The following LINGO2 variants were observed in gnomAD, a reference collection of about 807,000 sequenced individuals.
The protein encoded by LINGO2 is leucine rich repeat and Ig domain containing 2.
Under a neutral mutation model 30.6 loss-of-function variants are expected in LINGO2, and 14 were observed. The ratio of observed to expected loss-of-function variants is 0.46; its 90% CI spans 0.30 to 0.72. The LOEUF (loss-of-function observed/expected upper bound fraction) is 0.72, where lower values mean the gene tolerates loss of function less well. Ranked by LOEUF, LINGO2 falls within the 30% of genes least tolerant of loss-of-function variation. The probability of loss-of-function intolerance (pLI) is 0.07; values close to 1 mark genes in which losing one functional copy is unlikely to be tolerated. For missense variants in LINGO2, 729 were observed against 751.7 expected, an observed-to-expected ratio of 0.97 and a Z score of 0.35; for synonymous variants, 317 against 288.5, an observed-to-expected ratio of 1.10 and a Z score of -1.00.
the LINGO2 span, among the ~76,000 whole-genome samples, chr9:29,012,592 T>C: frequency 1.3e-5 from 2 of 152,146 alleles, no homozygotes; most frequent in African/African-American, 4.8e-5. Flanking sequence ...TGGTAAGTAA[T>C]ATTAAATATT....
chr9:29,120,002 G>A, the LINGO2 span, among the ~76,000 whole-genome samples: 1 of 152,260 alleles, frequency 6.6e-6, no homozygotes, highest in South Asian at 2.1e-4. Context: ...GAATACAAGT[G>A]AATACAAGTT....
intron 2 of LINGO2, among the ~76,000 whole-genome samples, chr9:28,385,729 T>C (rs1821552850): frequency 6.6e-6 from 1 of 152,146 alleles, no homozygotes; most frequent in African/African-American, 2.4e-5. Context: ...TGGAAAAATA[T>C]ATGTGCATGT....
chr9:28,372,188 A>G (rs1477849350), intron 3 of LINGO2, among the ~76,000 whole-genome samples: 1 of 152,192 alleles, frequency 6.6e-6, no homozygotes, highest in African/African-American at 2.4e-5. Flanking sequence ...CAGCTATTAT[A>G]TTTAATTGCT....
At chr9:28,662,105 T>A (rs7850460) in intron 1 of LINGO2, among the ~76,000 whole-genome samples, 25,801 of 152,082 alleles carry the variant, frequency 0.17, 3,363 homozygotes, top group African/African-American at 0.36. Context: ...ATTAATTAGA[T>A]GTTGAACTTC....
intron 4 of LINGO2, among the ~76,000 whole-genome samples, chr9:28,035,197 G>C (rs1299045964): frequency 1.3e-5 from 2 of 152,168 alleles, no homozygotes; most frequent in Non-Finnish European, 2.9e-5. Flanking sequence ...GCTTTTGTCA[G>C]CATACTGCTA....
the LINGO2 span, among the ~76,000 whole-genome samples, chr9:29,172,885 A>G: frequency 6.6e-6 from 1 of 152,022 alleles, no homozygotes; most frequent in Non-Finnish European, 1.5e-5. Context: ...CTTAAGAGTC[A>G]TAGTCTGTCT....
chr9:29,045,812 A>G, the LINGO2 span, among the ~76,000 whole-genome samples: 1 of 151,840 alleles, frequency 6.6e-6, no homozygotes. Context: ...GTTTTCTCCA[A>G]TTTACTTGAG....
rs1383259648 is a variant in LINGO2, at chr9:28,555,257, A to G, written c.-364-79232T>C. Among the ~76,000 whole-genome samples, 4 of 143,066 alleles carry G rather than the reference A, an allele frequency of 2.8e-5. No individual in the cohort carries two copies. The East Asian group carries it at 8.1e-4, about 29-fold the overall frequency. 93.9% of individuals were successfully genotyped at this position (143,066 alleles called of 152,430 possible). A position where few individuals can be genotyped will look rare whatever the true frequency, so the allele number is the denominator to read the frequency against. On this transcript the variant is annotated intron_variant, in intron 1 of 5. Transcript: ENST00000379992. The stretch of plus-strand genomic sequence containing the variant: ...AAATTGATAGACCGCTAGCAAGACT[A>G]ATAGAGAAAAAAAGAGAGAAGAATC...
chr9:28,366,485 T>C (rs985966174), intron 3 of LINGO2, among the ~76,000 whole-genome samples: 1 of 152,216 alleles, frequency 6.6e-6, no homozygotes, highest in Non-Finnish European at 1.5e-5. Flanking sequence ...TGCATCTCTC[T>C]TCCACATAAG....
At chr9:28,958,392 A>C in the LINGO2 span, among the ~76,000 whole-genome samples, 1 of 152,206 alleles carries the variant, frequency 6.6e-6, no homozygotes, top group African/African-American at 2.4e-5. Context: ...GAATTCAGAC[A>C]ATAGAAGCAA....
the LINGO2 span, among the ~76,000 whole-genome samples, chr9:28,727,365 A>G: frequency 6.6e-6 from 1 of 151,946 alleles, no homozygotes; most frequent in Non-Finnish European, 1.5e-5. Context: ...AGCTCACTGC[A>G]AGCTCCGCCT....
intron 4 of LINGO2, among the ~76,000 whole-genome samples, chr9:28,253,816 A>G (rs1459607492): frequency 1.3e-5 from 2 of 152,078 alleles, no homozygotes; most frequent in East Asian, 3.9e-4. Context: ...AGCTAAGTGT[A>G]AGCGGGTCCC....
At chr9:29,111,750 T>C in the LINGO2 span, among the ~76,000 whole-genome samples, 3,971 of 151,190 alleles carry the variant, frequency 0.026, 154 homozygotes, top group African/African-American at 0.088. Flanking sequence ...AAGAGAAATT[T>C]TGGGAGTCGG....
At chr9:28,649,523 T>C (rs556229447) in intron 1 of LINGO2, among the ~76,000 whole-genome samples, 6 of 152,210 alleles carry the variant, frequency 3.9e-5, no homozygotes, top group African/African-American at 1.4e-4. Flanking sequence ...TAACAATAAA[T>C]AAATACATAC....
chr9:28,741,726 G>A, the LINGO2 span, among the ~76,000 whole-genome samples: 1 of 151,828 alleles, frequency 6.6e-6, no homozygotes, highest in South Asian at 2.1e-4. Flanking sequence ...CTTGCTTAGT[G>A]CCTGGGGTTG....
chr9:28,872,694 T>A, the LINGO2 span, among the ~76,000 whole-genome samples: 1 of 152,140 alleles, frequency 6.6e-6, no homozygotes, highest in African/African-American at 2.4e-5. Context: ...ATAGGTACTT[T>A]GTTCATCAAC....
chr9:28,104,286 T>TTTTG (rs1491489572), intron 4 of LINGO2, among the ~76,000 whole-genome samples: 1 of 135,340 alleles, frequency 7.4e-6, no homozygotes, highest in East Asian at 2.2e-4. Context: ...TTTTTTTTTT[T>TTTTG]GCTTTTTTTT....
chr9:28,405,328 T>C (rs1214718437), intron 2 of LINGO2, among the ~76,000 whole-genome samples: 3 of 152,144 alleles, frequency 2.0e-5, no homozygotes, highest in African/African-American at 7.2e-5. Context: ...TAGAATTGGG[T>C]CCTTCAAAGA....
intron 4 of LINGO2, among the ~76,000 whole-genome samples, chr9:28,015,973 C>T (rs549927718): frequency 3.1e-5 from 4 of 129,776 alleles, no homozygotes; most frequent in East Asian, 4.3e-4. Context: ...GCTAACTAAC[C>T]GTTATGAAGG....
Sources: allele counts gnomAD v4.1 joint callset (sites outside exome capture counted in the v4.1 genomes callset), GRCh38; gene constraint gnomAD v4.1.1; transcripts MANE v1.5; gene names NCBI Gene and HGNC (gene_info 2026-07-23, HGNC 2026-07-21).